Variants in CDH4 observed in about 807,000 individuals in gnomAD.
CDH4 encodes the protein cadherin-4.
A neutral mutation model predicts 86.0 loss-of-function variants in CDH4; 33 were observed. That is an observed-to-expected ratio of 0.38 (90% CI 0.29 to 0.51). The LOEUF is 0.51. CDH4 is among the 20% of genes least tolerant of loss of function. CDH4 has a pLI of 0.86. For missense variants in CDH4, 1,114 were observed against 1,307.4 expected (o/e 0.85, Z 2.28); for synonymous variants, 555 against 549.4 (o/e 1.01, Z -0.14).
chr20:61,493,941 C>A (rs941910149), intron 2 of CDH4, among the ~76,000 whole-genome samples: 1 of 152,216 alleles, frequency 6.6e-6, no homozygotes, highest in Non-Finnish European at 1.5e-5. Context: ...CAGTGTCCCC[C>A]ACAAACCTCC....
At chr20:61,765,855 C>G (rs1032546983) in intron 3 of CDH4, among the ~76,000 whole-genome samples, 1 of 152,102 alleles carries the variant, frequency 6.6e-6, no homozygotes, top group African/African-American at 2.4e-5. Flanking sequence ...AGAGCCCACC[C>G]CTTCCAGCAG....
chr20:61,521,144 C>T (rs931460150), intron 2 of CDH4, among the ~76,000 whole-genome samples: 1 of 152,196 alleles, frequency 6.6e-6, no homozygotes, highest in East Asian at 1.9e-4. Context: ...TACCCTGACG[C>T]ATTTGTGATG....
At chr20:61,379,958 T>G (rs1475964638) in intron 2 of CDH4, among the ~76,000 whole-genome samples, 1 of 151,968 alleles carries the variant, frequency 6.6e-6, no homozygotes. Flanking sequence ...GTTAGGCAGA[T>G]AAGGATTGTG....
intron 2 of CDH4, among the ~76,000 whole-genome samples, chr20:61,259,508 G>A (rs1488636776): frequency 6.6e-6 from 1 of 152,234 alleles, no homozygotes; most frequent in African/African-American, 2.4e-5. Flanking sequence ...TAATGAATGA[G>A]CCGGAAAATA....
chr20:61,620,219 C>A (rs1427535596), intron 2 of CDH4, among the ~76,000 whole-genome samples: 26 of 6,230 alleles, frequency 4.2e-3, no homozygotes, highest in Non-Finnish European at 6.9e-3. Context: ...GACAGGCAGG[C>A]TGGTAGGCAG....
At chr20:61,258,970 CA>C (rs2084115541) in intron 2 of CDH4, among the ~76,000 whole-genome samples, 1 of 152,208 alleles carries the variant, frequency 6.6e-6, no homozygotes, top group Non-Finnish European at 1.5e-5. Context: ...ACTGGGAATG[CA>C]GAGAATTGCA....
At chr20:61,514,903 G>T (rs2427152) in intron 2 of CDH4, among the ~76,000 whole-genome samples, 2 of 151,886 alleles carry the variant, frequency 1.3e-5, no homozygotes, top group Non-Finnish European at 2.9e-5. Flanking sequence ...ATGGGGTGGG[G>T]GGAAGGGCCC....
chr20:61,567,427 C>A (rs1380306332), intron 2 of CDH4, among the ~76,000 whole-genome samples: 1 of 152,176 alleles, frequency 6.6e-6, no homozygotes, highest in South Asian at 2.1e-4. Context: ...GGTGCCTGCT[C>A]ATTGTGTCCT....
intron 2 of CDH4, among the ~76,000 whole-genome samples, chr20:61,396,251 A>T (rs1253111691): frequency 6.6e-6 from 1 of 152,118 alleles, no homozygotes; most frequent in East Asian, 1.9e-4. Context: ...TGAGGGCCAC[A>T]TCCTGGTACC....
rs757650991 is a variant in CDH4 at position 61,299,277 on chromosome 20, C to T, written c.169+44340C>T. ...GTGATACATCCGCAGACAGGAGCCCCGGGGACTGCCACAGCCCCAGATGGT... is the reference window on the plus strand; with the variant it reads ...GTGATACATCCGCAGACAGGAGCCCTGGGGACTGCCACAGCCCCAGATGGT... On this transcript the variant is annotated intron_variant, in intron 2 of 15. Coordinates refer to ENST00000614565, the MANE Select transcript of CDH4 (RefSeq NM_001794.5). Among the ~76,000 whole-genome samples the T allele has an allele frequency of 2.6e-5, 4 of 152,122 alleles. 1 individual carries two copies. Among genetic ancestry groups the T allele is most frequent in the Non-Finnish European group, 4.4e-5 (3 of 68,024 alleles).
intron 2 of CDH4, among the ~76,000 whole-genome samples, chr20:61,316,932 T>C (rs991010508): frequency 7.3e-5 from 11 of 151,706 alleles, no homozygotes; most frequent in Non-Finnish European, 1.5e-4. Flanking sequence ...GCGTGCAGCC[T>C]CTGTACCTGA....
intron 2 of CDH4, among the ~76,000 whole-genome samples, chr20:61,548,317 GGGCA>G (rs1283541727): frequency 6.6e-6 from 1 of 152,076 alleles, no homozygotes; most frequent in Non-Finnish European, 1.5e-5. Context: ...GCTGAGGCTC[GGGCA>G]GGCAGGTGGA....
At chr20:61,398,110 T>C (rs1036264245) in intron 2 of CDH4, among the ~76,000 whole-genome samples, 3 of 152,168 alleles carry the variant, frequency 2.0e-5, no homozygotes, top group Non-Finnish European at 4.4e-5. Flanking sequence ...GACAGAGACT[T>C]GTATTCTCAC....
intron 2 of CDH4, among the ~76,000 whole-genome samples, chr20:61,257,018 C>T (rs1218475857): frequency 6.6e-6 from 1 of 152,216 alleles, no homozygotes; most frequent in East Asian, 1.9e-4. Flanking sequence ...TACAAGACCA[C>T]AGTGAGGAGG....
At chr20:61,477,478 C>T (rs1011009194) in intron 2 of CDH4, among the ~76,000 whole-genome samples, 2 of 152,228 alleles carry the variant, frequency 1.3e-5, no homozygotes, top group Non-Finnish European at 2.9e-5. Flanking sequence ...TGATGGGTAG[C>T]TGCAGGGATG....
chr20:61,899,815 C>T (rs926652529), intron 8 of CDH4, among the ~76,000 whole-genome samples: 2 of 152,172 alleles, frequency 1.3e-5, no homozygotes, highest in African/African-American at 2.4e-5. Flanking sequence ...GGGTCCCCAG[C>T]GTTTAGGATG....
chr20:61,575,663 A>G (rs1273384941), intron 2 of CDH4, among the ~76,000 whole-genome samples: 3 of 152,236 alleles, frequency 2.0e-5, no homozygotes, highest in Admixed American at 6.5e-5. Context: ...AGCCACACCC[A>G]TTCATTTACA....
chr20:61,789,741 C>T (rs1179529501), intron 4 of CDH4, among the ~76,000 whole-genome samples: 4 of 152,216 alleles, frequency 2.6e-5, no homozygotes, highest in African/African-American at 7.2e-5. Context: ...GCAAGCACAG[C>T]GTTTCCCACT....
chr20:61,706,206 C>T (rs548959173), intron 2 of CDH4, among the ~76,000 whole-genome samples: 30 of 152,286 alleles, frequency 2.0e-4, no homozygotes, highest in African/African-American at 6.3e-4. Context: ...CCAGCTTTCC[C>T]GTGAGGCCCA....
Sources: allele counts gnomAD v4.1 joint callset (sites outside exome capture counted in the v4.1 genomes callset), GRCh38; gene constraint gnomAD v4.1.1; transcripts MANE v1.5; gene names NCBI Gene and HGNC (gene_info 2026-07-23, HGNC 2026-07-21).